The following JMJD8 variants were observed in gnomAD, a reference collection of about 807,000 sequenced individuals.
JMJD8 encodes jumonji domain containing 8.
In JMJD8, 56 loss-of-function variants were observed where a neutral mutation model predicts 37.6. The observed-to-expected ratio is 1.49, with a 90% confidence interval of 1.20 to 1.86. The LOEUF (loss-of-function observed/expected upper bound fraction) is 1.86. JMJD8 is among the 40% of genes most tolerant of loss of function. JMJD8 has a pLI of 0.00. For missense variants in JMJD8, 542 were observed against 362.7 expected (o/e 1.49, Z -4.01); for synonymous variants, 261 against 163.7 (o/e 1.59, Z -4.54).
At position 684,238 on chromosome 16, in the gene JMJD8, C is replaced by A; in HGVS notation, c.82G>T (p.Gly28Trp). Reference protein sequence around the residue: ...LPGSGAEGDGGWRPGGPGAVA... With the variant: ...LPGSGAEGDGWWRPGGPGAVA... The stretch of plus-strand genomic sequence containing the variant: ...GGCCCCTCCCGGGCCGCTCACCACC[C>A]GCCGTCGCCCTCCGCCCCGGAGCCG... The change falls in exon 1 of 9, where the codon GGG becomes TGG. Residue 28 changes from glycine to tryptophan, a missense_variant. By Grantham distance (184) the Gly-to-Trp change is radical. Transcript: ENST00000609261. The A allele has an allele frequency of 1.5e-6, 2 of 1,345,922 alleles. No individual in the cohort carries two copies. Among genetic ancestry groups the A allele is most frequent in the Non-Finnish European group, 1.9e-6 (2 of 1,057,424 alleles). 83.4% of individuals were successfully genotyped at this position (1,345,922 alleles called of 1,614,324 possible). A position where few individuals can be genotyped will look rare whatever the true frequency, so the allele number is the denominator to read the frequency against.
In JMJD8 at chr16:682,189, T is replaced by C; in HGVS notation, c.*605A>G. ...GAAGCGAGACATCCCCGACTACCTGTGTGGCAAGATCAGCTTTGAGCTGAT... is the reference window on the plus strand; with the variant it reads ...GAAGCGAGACATCCCCGACTACCTGCGTGGCAAGATCAGCTTTGAGCTGAT... On this transcript the variant is annotated 3_prime_UTR_variant, in exon 9 of 9. Coordinates refer to ENST00000609261, the MANE Select transcript of JMJD8 (RefSeq NM_001005920.4). The C allele has an allele frequency of 6.2e-7, 1 of 1,610,236 alleles. No homozygotes were observed. The highest frequency in any genetic ancestry group is 8.5e-7 in the Non-Finnish European group (1 of 1,177,220).
In JMJD8 at chr16:681,956, T is replaced by G; in HGVS notation, c.*838A>C. On this transcript the variant is annotated 3_prime_UTR_variant, in exon 9 of 9. Transcript: ENST00000609261. ...GGGAGCATCCCCGCCTTGTGTTGGG[T>G]CTGTGCCCCATGGAGGAGGGAGGTG... 1 of 1,612,360 alleles carries G rather than the reference T, an allele frequency of 6.2e-7. No homozygotes were observed. Among genetic ancestry groups the G allele is most frequent in the Non-Finnish European group, 8.5e-7 (1 of 1,179,022 alleles).
Position 683,910 on chromosome 16 carries a change from C to G in JMJD8, c.177-1G>C, listed in dbSNP as rs1181839619. 1.3e-6 allele frequency: 2 copies of G among 1,577,768 alleles called. No individual in the cohort carries two copies. Among genetic ancestry groups the G allele is most frequent in the African/African-American group, 2.7e-5 (2 of 74,262 alleles). On this transcript the variant is annotated splice_acceptor_variant, in intron 2 of 8. Transcript: ENST00000609261. LOFTEE classifies it high-confidence loss of function. ...GATGACGGGCCTGACGAAGGCGTAC[C>G]TGGAAAGAAGGGCAGAGTCGCGGCC...
At chr16:683,993 AGGCGGCCTTG>A (rs967527066) in intron 2 of JMJD8, 63 bp downstream of exon 2, 140 of 1,557,802 alleles carry the variant, frequency 9.0e-5, no homozygotes, top group Non-Finnish European at 1.2e-4. Flanking sequence ...GGTCAGGGGA[AGGCGGCCTTG>A]GGCGGTCGGG....
chr16:683,856 C>A lies in JMJD8; in HGVS notation c.225+5G>T, dbSNP rs751728849. ...GTGGCCGGGGACGGACGGGCACGCG[C>A]TCACCGAGTTGTCCGTGAGTCCCTG... On this transcript the variant is annotated splice_donor_5th_base_variant and intron_variant, in intron 3 of 8. Transcript: ENST00000609261. The A allele has an allele frequency of 2.5e-6, 4 of 1,584,984 alleles. No homozygotes were observed. Among genetic ancestry groups the A allele is most frequent in the Non-Finnish European group, 2.6e-6 (3 of 1,168,056 alleles).
chr16:683,075 A>T lies in JMJD8; in HGVS notation c.592T>A (p.Tyr198Asn), dbSNP rs2039749076. The part of the protein sequence containing the change: ...VIYGRKRWFL[Y>N]PPEKTPEFHP... ...AACTCTGGCGTCTTCTCAGGTGGGT[A>T]AAGGAACCAGCGCTGGGGGCATGAG... Residue 198 changes from tyrosine (Y) to asparagine (N), a missense_variant, in exon 8 of 9, where the codon TAC becomes AAC. Tyr to Asn is a moderately radical substitution (Grantham distance 143). Transcript: ENST00000609261. 1 of 1,613,420 alleles carries T rather than the reference A, an allele frequency of 6.2e-7. No individual in the cohort carries two copies. The highest frequency in any genetic ancestry group is 8.5e-7 in the Non-Finnish European group (1 of 1,179,866).
chr16:683,532 T>G lies in JMJD8; in HGVS notation c.389A>C (p.Asn130Thr), dbSNP rs1429667954. ...LHPQDPTSLG[N>T]DTLYFFGDNN... ...ACCGCCGCCTAGGGCTGCCTCACCA[T>G]TGCCCAGGGAGGTGGGGTCCTGGGG... is the stretch of plus-strand genomic sequence containing the variant. Residue 130 changes from asparagine to threonine, a missense_variant and splice_region_variant, in exon 5 of 9, where the codon AAT becomes ACT. By Grantham distance (65) the Asn-to-Thr change is moderately conservative. Transcript: ENST00000609261. 6.4e-7 allele frequency: 1 copy of G among 1,556,356 alleles called. No individual in the cohort carries two copies. Among genetic ancestry groups the G allele is most frequent in the Non-Finnish European group, 8.7e-7 (1 of 1,149,954 alleles).
At chr16:683,643 G>C in intron 4 of JMJD8, 42 bp downstream of exon 4, 1 of 1,580,178 alleles carries the variant, frequency 6.3e-7, no homozygotes. Flanking sequence ...CAGCCGCCCC[G>C]GTGTTGGCAA....
chr16:682,843 G>T lies in JMJD8; in HGVS notation c.746C>A (p.Ala249Asp). The change falls in exon 9 of 9, where the codon GCT becomes GAT. Residue 249 changes from alanine to aspartate, a missense_variant. Physicochemically the swap from Ala to Asp is moderately radical, Grantham distance 126. Coordinates refer to ENST00000609261, the MANE Select transcript of JMJD8 (RefSeq NM_001005920.4). ...VLYFPDRWWH[A>D]TLNLDTSVFI... ...GACGCTGGTGTCAAGGTTGAGCGTA[G>T]CATGCCACCAGCGGTCGGGGAAGTA... 1 of 1,613,090 alleles carries T rather than the reference G, an allele frequency of 6.2e-7. No homozygotes were observed.
chr16:683,467 G>C, intron 5 of JMJD8, 26 bp from the exon 6 acceptor site: 1 of 1,549,896 alleles, frequency 6.5e-7, no homozygotes, highest in South Asian at 1.2e-5. Context: ...GCGGGGACAG[G>C]GATCCTGGCA....
In JMJD8 at chr16:683,827, G is replaced by A. The variant is rs748975548; in HGVS notation, c.225+34C>T. ...CTTAGTGGCCGGGCCCAGCACGGGC[G>A]AGAGTGGCCGGGGACGGACGGGCAC... On this transcript the variant is annotated intron_variant, in intron 3 of 8. Transcript: ENST00000609261. The A allele has an allele frequency of 5.9e-5, 93 of 1,586,322 alleles. No individual in the cohort carries two copies. The Middle Eastern group carries it at 1.5e-3, about 25-fold the overall frequency.
Position 682,216 on chromosome 16 carries a change from C to A in JMJD8, c.*578G>T, listed in dbSNP as rs760424025. Reference sequence around the variant, plus strand: ...TGGCAAGATCAGCTTTGAGCTGATGCGGGAGCCGTGCATCACGCCCAGTGG... The same window carrying A: ...TGGCAAGATCAGCTTTGAGCTGATGAGGGAGCCGTGCATCACGCCCAGTGG... On this transcript the variant is annotated 3_prime_UTR_variant, in exon 9 of 9. Coordinates refer to ENST00000609261, the MANE Select transcript of JMJD8 (RefSeq NM_001005920.4). 1 of 1,612,756 alleles carries A rather than the reference C, an allele frequency of 6.2e-7. No individual in the cohort carries two copies. Among genetic ancestry groups the A allele is most frequent in the Non-Finnish European group, 8.5e-7 (1 of 1,179,832 alleles).
chr16:683,157 C>G lies in JMJD8; in HGVS notation c.579+10G>C, dbSNP rs748344528. On this transcript the variant is annotated intron_variant, in intron 7 of 8. Coordinates refer to ENST00000609261, the MANE Select transcript of JMJD8 (RefSeq NM_001005920.4). Reference sequence around the variant, plus strand: ...CGAGTCCCAAGCCTCAACCCCCACCCCGTGCTGACCTTACGACCGTAGATC... The same window carrying G: ...CGAGTCCCAAGCCTCAACCCCCACCGCGTGCTGACCTTACGACCGTAGATC... The G allele has an allele frequency of 6.2e-7, 1 of 1,613,490 alleles. No individual in the cohort carries two copies. The highest frequency in any genetic ancestry group is 2.2e-5 in the East Asian group (1 of 44,886).
Position 683,215 on chromosome 16 carries a change from G to A in JMJD8, c.531C>T (p.Pro177=), listed in dbSNP as rs888099990. 3 of 1,613,054 alleles carry A rather than the reference G, an allele frequency of 1.9e-6. No homozygotes were observed. Among genetic ancestry groups the A allele is most frequent in the Admixed American group, 1.7e-5 (1 of 60,000 alleles). ...FGIAGAGSGV[P]FHWHGPGYSE... is the part of the protein sequence containing the mutation. ...AGTACCCGGGTCCATGCCAGTGGAA[G>A]GGCACCCCCGAGCCAGCTCCTGTGG... Residue 177 remains proline, a synonymous_variant, in exon 7 of 9, where the codon CCC becomes CCT. Transcript: ENST00000609261.
Position 682,990 on chromosome 16 carries a change from G to C in JMJD8, c.677C>G (p.Ser226Cys). Residue 226 changes from serine (S) to cysteine (C), a missense_variant, in exon 8 of 9, where the codon TCT becomes TGT. Physicochemically the swap from Ser to Cys is moderately radical, Grantham distance 112 (BLOSUM62 -1). Coordinates refer to ENST00000609261, the MANE Select transcript of JMJD8 (RefSeq NM_001005920.4). ...LRDTYPALPP[S>C]ARPLECTIRA... ...GATGGTACACTCCAGGGGCCGTGCA[G>C]ACGGTGGCAGGGCTGGGTATGTGTC... The C allele has an allele frequency of 6.2e-7, 1 of 1,613,432 alleles. No individual in the cohort carries two copies. Among genetic ancestry groups the C allele is most frequent in the Non-Finnish European group, 8.5e-7 (1 of 1,179,878 alleles).
rs768799698 is a variant in JMJD8, at chr16:683,035, G to T, written c.632C>A (p.Thr211Asn). 1 of 1,613,568 alleles carries T rather than the reference G, an allele frequency of 6.2e-7. No individual in the cohort carries two copies. The highest frequency in any genetic ancestry group is 8.5e-7 in the Non-Finnish European group (1 of 1,179,868). Residue 211 changes from threonine (T) to asparagine (N), a missense_variant, in exon 8 of 9, where the codon ACC becomes AAC. Coordinates refer to ENST00000609261, the MANE Select transcript of JMJD8 (RefSeq NM_001005920.4). ...TGTGTCCCGGAGCCAGGCCAGCGTG[G>T]TCTTGTTGGGGTGGAACTCTGGCGT... The part of the protein sequence containing the change: ...EKTPEFHPNK[T>N]TLAWLRDTYP...
rs760226552 is a variant in JMJD8, at chr16:682,540, C to T, written c.*254G>A. On this transcript the variant is annotated 3_prime_UTR_variant, in exon 9 of 9. Transcript: ENST00000609261. Reference sequence around the variant, plus strand: ...GGTCCAGGGGAGCCCTGGGCAGAAGCCCCCGGCCCCTATACATAGTTTATG... The same window carrying T: ...GGTCCAGGGGAGCCCTGGGCAGAAGTCCCCGGCCCCTATACATAGTTTATG... 3.1e-6 allele frequency: 5 copies of T among 1,607,724 alleles called. No individual in the cohort carries two copies. The highest frequency in any genetic ancestry group is 4.2e-6 in the Non-Finnish European group (5 of 1,176,958).
rs1283891120 is a variant in JMJD8, at chr16:683,765, C to T, written c.242G>A (p.Cys81Tyr). Reference protein sequence around the residue: ...LTDNSRFRALCSRDRLLASFG... With the variant: ...LTDNSRFRALYSRDRLLASFG... ...CGAAGCCAGCAACCTGTCGCGGGAG[C>T]ACAGGGCCCGGAACCTCTGCGGGGG... Residue 81 changes from cysteine to tyrosine, a missense_variant, in exon 4 of 9, where the codon TGC becomes TAC. Transcript: ENST00000609261. The T allele has an allele frequency of 8.7e-6, 14 of 1,608,208 alleles. No individual in the cohort carries two copies. The East Asian group carries it at 2.2e-4, about 26-fold the overall frequency.
chr16:683,820 C>T (rs1472699636), intron 3 of JMJD8, 39 bp from the exon 4 acceptor site: 4 of 1,586,876 alleles, frequency 2.5e-6, no homozygotes, highest in Non-Finnish European at 3.4e-6. Context: ...CCGGGCCCAG[C>T]ACGGGCGAGA....
Sources: gnomAD v4.1 joint callset for allele counts on GRCh38, gnomAD v4.1.1 for gene constraint, MANE v1.5 for transcripts, NCBI Gene and HGNC (gene_info 2026-07-23, HGNC 2026-07-21) for gene names.